KHDRBS2: variants seen among roughly 807,000 people sequenced by gnomAD.
The protein encoded by KHDRBS2 is KH RNA binding domain containing, signal transduction associated 2.
In KHDRBS2, 26 loss-of-function variants were observed where a neutral mutation model predicts 44.3. The observed-to-expected ratio is 0.59, with a 90% CI of 0.43 to 0.81. The LOEUF (loss-of-function observed/expected upper bound fraction) is 0.81, where lower values mean the gene tolerates loss of function less well. Ranked by LOEUF, KHDRBS2 falls within the 40% of genes least tolerant of loss-of-function variation. The probability of loss-of-function intolerance (pLI) is 0.00; values close to 1 mark genes in which losing one functional copy is unlikely to be tolerated. For synonymous variants in KHDRBS2, 194 were observed against 151.1 expected (o/e 1.28, Z -2.08); for missense variants, 476 against 433.1 (o/e 1.10, Z -0.88).
intron 6 of KHDRBS2, among the ~76,000 whole-genome samples, chr6:61,785,067 T>C (rs1340808105): frequency 1.3e-5 from 2 of 151,984 alleles, no homozygotes; most frequent in South Asian, 2.1e-4. Context: ...GAGGATCACC[T>C]GAGCCTGGGA....
intron 7 of KHDRBS2, among the ~76,000 whole-genome samples, chr6:61,712,410 G>A (rs559731919): frequency 5.9e-5 from 9 of 151,958 alleles, no homozygotes; most frequent in Admixed American, 5.3e-4. Context: ...TTTATGTGTA[G>A]GTTTACATGA....
intron 7 of KHDRBS2, among the ~76,000 whole-genome samples, chr6:61,709,952 G>A (rs1770225697): frequency 6.6e-6 from 1 of 151,618 alleles, no homozygotes; most frequent in East Asian, 1.9e-4. Context: ...CTTTGCTACT[G>A]AATTCATTGG....
chr6:62,020,527 T>A (rs865878252), intron 3 of KHDRBS2, among the ~76,000 whole-genome samples: 1 of 152,028 alleles, frequency 6.6e-6, no homozygotes, highest in Admixed American at 6.6e-5. Flanking sequence ...GATCTATAAT[T>A]TACTGATGGA....
intron 6 of KHDRBS2, among the ~76,000 whole-genome samples, chr6:61,893,397 G>C (rs528833264): frequency 1.3e-5 from 2 of 152,130 alleles, no homozygotes; most frequent in African/African-American, 4.8e-5. Flanking sequence ...TCCCATTACT[G>C]GGTATATACC....
chr6:62,265,018 C>G (rs932581034), intron 1 of KHDRBS2, among the ~76,000 whole-genome samples: 5 of 151,756 alleles, frequency 3.3e-5, no homozygotes, highest in Admixed American at 3.3e-4. Context: ...TTCTAAAACA[C>G]AAATAGATCT....
At chr6:62,228,380 A>AT (rs1832287735) in intron 1 of KHDRBS2, among the ~76,000 whole-genome samples, 1 of 151,886 alleles carries the variant, frequency 6.6e-6, no homozygotes, top group African/African-American at 2.4e-5. Flanking sequence ...CCCCTTTATC[A>AT]TTTTTTATTG....
At chr6:62,199,359 C>G (rs1225167065) in intron 1 of KHDRBS2, among the ~76,000 whole-genome samples, 1 of 152,196 alleles carries the variant, frequency 6.6e-6, no homozygotes, top group African/African-American at 2.4e-5. Context: ...AGCCCAAAAT[C>G]TCCTTAAGCT....
intron 7 of KHDRBS2, among the ~76,000 whole-genome samples, chr6:61,715,912 C>A (rs558339434): frequency 6.6e-6 from 1 of 151,530 alleles, no homozygotes; most frequent in Non-Finnish European, 1.5e-5. Flanking sequence ...AAATTAGTTG[C>A]CAGTATCTAA....
chr6:62,223,221 C>T (rs1831189432), intron 1 of KHDRBS2, among the ~76,000 whole-genome samples: 1 of 152,230 alleles, frequency 6.6e-6, no homozygotes, highest in Non-Finnish European at 1.5e-5. Context: ...CTTCTGTGCA[C>T]TCGCAGGCTC....
the KHDRBS2 span, among the ~76,000 whole-genome samples, chr6:61,570,727 A>G: frequency 6.6e-6 from 1 of 152,206 alleles, no homozygotes; most frequent in African/African-American, 2.4e-5. Context: ...ATTTCTCTGC[A>G]GAAACTTTAC....
intron 4 of KHDRBS2, among the ~76,000 whole-genome samples, chr6:61,951,809 T>A (rs73482845): frequency 0.045 from 6,836 of 152,170 alleles, 546 homozygotes; most frequent in African/African-American, 0.16. Context: ...AGTGTCTCCA[T>A]AAGCAATCCC....
intron 2 of KHDRBS2, among the ~76,000 whole-genome samples, chr6:62,099,666 C>T (rs1801416988): frequency 6.6e-6 from 1 of 152,156 alleles, no homozygotes; most frequent in Admixed American, 6.5e-5. Context: ...ACTGCTGTCT[C>T]CTTCACTCAA....
At chr6:62,039,569 C>A (rs1786036083) in intron 3 of KHDRBS2, among the ~76,000 whole-genome samples, 1 of 151,908 alleles carries the variant, frequency 6.6e-6, no homozygotes, top group Non-Finnish European at 1.5e-5. Context: ...CACATATATT[C>A]CCAGTAATCT....
At chr6:61,725,081 C>G (rs1773347775) in intron 7 of KHDRBS2, among the ~76,000 whole-genome samples, 1 of 152,000 alleles carries the variant, frequency 6.6e-6, no homozygotes, top group Non-Finnish European at 1.5e-5. Flanking sequence ...TCAGCAAATG[C>G]AAAAGAACTG....
chr6:61,971,987 GT>G (rs1275365882), intron 4 of KHDRBS2, among the ~76,000 whole-genome samples: 1 of 152,086 alleles, frequency 6.6e-6, no homozygotes, highest in Non-Finnish European at 1.5e-5. Context: ...AGAAATATTT[GT>G]TGTGTTAATT....
the KHDRBS2 span, among the ~76,000 whole-genome samples, chr6:61,623,895 GGAGA>G: frequency 1.3e-5 from 2 of 152,144 alleles, no homozygotes; most frequent in African/African-American, 4.8e-5. Context: ...AAAACACAGT[GGAGA>G]GAGAAACTTT....
At chr6:61,555,887 C>A in the KHDRBS2 span, among the ~76,000 whole-genome samples, 4 of 152,186 alleles carry the variant, frequency 2.6e-5, no homozygotes, top group African/African-American at 9.7e-5. Context: ...TGGGAACCTG[C>A]TGTGCTGGAG....
intron 4 of KHDRBS2, among the ~76,000 whole-genome samples, chr6:61,912,365 TC>T (rs1309470700): frequency 6.6e-6 from 1 of 152,188 alleles, no homozygotes; most frequent in Non-Finnish European, 1.5e-5. Flanking sequence ...TTTATTCTTT[TC>T]CTTGCTTCCA....
intron 3 of KHDRBS2, among the ~76,000 whole-genome samples, chr6:62,019,413 T>C (rs953941818): frequency 6.6e-6 from 1 of 152,144 alleles, no homozygotes; most frequent in Admixed American, 6.5e-5. Context: ...CTATGTGTTT[T>C]ATAATGTCCT....
Sources: gnomAD v4.1 joint callset for allele counts (sites outside exome capture counted in the v4.1 genomes callset) on GRCh38, gnomAD v4.1.1 for gene constraint, MANE v1.5 for transcripts, NCBI Gene and HGNC (gene_info 2026-07-23, HGNC 2026-07-21) for gene names.